AKAP17A: variants seen among roughly 807,000 people sequenced by gnomAD.
AKAP17A encodes the protein A-kinase anchor protein 17A.
In AKAP17A, 15 loss-of-function variants were observed where a neutral mutation model predicts 52.2. That is an observed-to-expected ratio of 0.29 (90% confidence interval 0.19 to 0.44). AKAP17A has a LOEUF of 0.44. Among genes scored for constraint, AKAP17A ranks in the 20% least tolerant of loss-of-function variants. AKAP17A has a pLI of 1.00. For missense variants in AKAP17A, 1,060 were observed against 1,007.0 expected (o/e 1.05, Z -0.71); for synonymous variants, 514 against 424.7 (o/e 1.21, Z -2.58).
At chrX:1,598,195 A>G (rs1933120518) in intron 3 of AKAP17A, among the ~76,000 whole-genome samples, 1 of 151,300 alleles carries the variant, frequency 6.6e-6, no homozygotes, top group Non-Finnish European at 1.5e-5. Context: ...TGGGGCGGTG[A>G]CAGCTCACAG....
intron 2 of AKAP17A, 38 bp from the exon 3 acceptor site, chrX:1,595,346 T>C (rs1479179663): frequency 6.2e-7 from 1 of 1,611,756 alleles, no homozygotes; most frequent in Non-Finnish European, 8.5e-7. Flanking sequence ...TGGGGGGTTT[T>C]GGGGGAAGGC....
chrX:1,593,322 C>T, intron 1 of AKAP17A, 122 bp from the exon 2 acceptor site: 2 of 964,012 alleles, frequency 2.1e-6, no homozygotes, highest in South Asian at 3.1e-5. Flanking sequence ...GTCTCTGACA[C>T]GGCAGAGAGA....
At position 1,594,158 on chromosome X, in the gene AKAP17A, C is replaced by G. The variant is rs755544734; in HGVS notation, c.696C>G (p.Ser232Arg). ...ACATGGGCTTCATCCAGGCCATGAG[C>G]GCCCTGCGCGGGATGAAACTCATGT... ...REYMGFIQAM[S>R]ALRGMKLMYK... The change falls in exon 2 of 5, where the codon AGC becomes AGG. Residue 232 changes from serine to arginine, a missense_variant. Physicochemically the swap from Ser to Arg is moderately radical, Grantham distance 110. This residue lies in a region of AKAP17A where 267 missense variants were observed against 377.1 expected (regional missense o/e 0.71). Transcript: ENST00000313871. The G allele has an allele frequency of 6.5e-5, 104 of 1,602,724 alleles. No individual in the cohort carries two copies. The highest frequency in any genetic ancestry group is 8.1e-5 in the Non-Finnish European group (95 of 1,173,668).
At chrX:1,599,617 G>C in intron 4 of AKAP17A, 185 bp downstream of exon 4, 3 of 866,290 alleles carry the variant, frequency 3.5e-6, no homozygotes, top group Non-Finnish European at 5.6e-6. Flanking sequence ...TGTCGTTCCC[G>C]ATGATTTCAG....
rs1932878520 is a variant in AKAP17A at position 1,593,567 on chromosome X, A to C, written c.105A>C (p.Ala35=). Residue 35 remains alanine (A), a synonymous_variant, in exon 2 of 5, where the codon GCA becomes GCC. Coordinates refer to ENST00000313871, the MANE Select transcript of AKAP17A (RefSeq NM_005088.3). ...KPITKMTISV[A]LPQLKQPGKS... The stretch of plus-strand genomic sequence containing the variant: ...TCACCAAGATGACCATCAGCGTGGC[A>C]CTCCCGCAGCTGAAGCAGCCGGGGA... 1 of 1,613,448 alleles carries C rather than the reference A, an allele frequency of 6.2e-7. No homozygotes were observed. Among genetic ancestry groups the C allele is most frequent in the Non-Finnish European group, 8.5e-7 (1 of 1,179,820 alleles).
At chrX:1,597,670 T>A (rs867535680) in intron 3 of AKAP17A, among the ~76,000 whole-genome samples, 67 of 148,834 alleles carry the variant, frequency 4.5e-4, no homozygotes, top group African/African-American at 1.5e-3. Flanking sequence ...GTCGCAGGAG[T>A]GTCCCCGCAA....
intron 3 of AKAP17A, among the ~76,000 whole-genome samples, chrX:1,598,228 G>GA (rs1933123512): frequency 6.6e-6 from 1 of 152,226 alleles, no homozygotes; most frequent in Non-Finnish European, 1.5e-5. Flanking sequence ...TTCAGCACAT[G>GA]AAACTGCCTG....
At chrX:1,598,176 C>CCGAGCT (rs1397057279) in intron 3 of AKAP17A, among the ~76,000 whole-genome samples, 2 of 152,088 alleles carry the variant, frequency 1.3e-5, no homozygotes, top group Non-Finnish European at 2.9e-5. Context: ...GAGCCGCCCT[C>CCGAGCT]CGAGCTCGTG....
intron 2 of AKAP17A, among the ~76,000 whole-genome samples, chrX:1,594,892 C>T (rs1265635566): frequency 5.3e-5 from 8 of 152,208 alleles, no homozygotes; most frequent in African/African-American, 1.2e-4. Flanking sequence ...GCTGGGATTA[C>T]AGGCGTGAGC....
At chrX:1,598,451 C>T (rs1172845402) in intron 3 of AKAP17A, among the ~76,000 whole-genome samples, 1 of 152,156 alleles carries the variant, frequency 6.6e-6, no homozygotes, top group Non-Finnish European at 1.5e-5. Context: ...CGGCGCCCAC[C>T]CGGGCTTCAG....
rs137976911 is a variant in AKAP17A, at chrX:1,601,265, C to T, written c.1759C>T (p.Arg587Trp). 285 of 1,613,038 alleles carry T rather than the reference C, an allele frequency of 1.8e-4. No homozygotes were observed. The African/African-American group carries it at 2.9e-3, about 16-fold the overall frequency. ...DKCNREPSKG[R>W]GRATGDGLAD... ...GTGCAACCGGGAGCCCAGCAAGGGCCGGGGCCGGGCCACCGGAGACGGGCT... is the reference window on the plus strand; with the variant it reads ...GTGCAACCGGGAGCCCAGCAAGGGCTGGGGCCGGGCCACCGGAGACGGGCT... The change falls in exon 5 of 5, where the codon CGG becomes TGG. Residue 587 changes from arginine to tryptophan, a missense_variant. Physicochemically the swap from Arg to Trp is moderately radical, Grantham distance 101. Around this residue, in one of 2 missense-constraint regions of AKAP17A, gnomAD observed 793 missense variants for 629.9 expected, o/e 1.26. Coordinates refer to ENST00000313871, the MANE Select transcript of AKAP17A (RefSeq NM_005088.3).
chrX:1,593,961 G>A lies in AKAP17A; in HGVS notation c.499G>A (p.Glu167Lys), dbSNP rs775070085. The A allele has an allele frequency of 2.5e-6, 4 of 1,604,222 alleles. No individual in the cohort carries two copies. Among genetic ancestry groups the A allele is most frequent in the Admixed American group, 1.7e-5 (1 of 59,088 alleles). Residue 167 changes from glutamate to lysine, a missense_variant, in exon 2 of 5, where the codon GAG (glutamate) becomes AAG (lysine). Around this residue, in one of 2 missense-constraint regions of AKAP17A, gnomAD observed 267 missense variants for 377.1 expected, o/e 0.71. Transcript: ENST00000313871. ...GTTCGCCCTGAAGGAGTCGGGCTCCGAGAAGCCCAGCGAGGACGTCCTGGT... is the reference window on the plus strand; with the variant it reads ...GTTCGCCCTGAAGGAGTCGGGCTCCAAGAAGCCCAGCGAGGACGTCCTGGT... ...KWFALKESGS[E>K]KPSEDVLVKV...
Position 1,600,951 on chromosome X carries a change from C to G in AKAP17A, c.1445C>G (p.Thr482Ser), listed in dbSNP as rs1340289920. Reference protein sequence around the residue: ...QTVSSGCVSATTLHPLGGQPP... With the variant: ...QTVSSGCVSASTLHPLGGQPP... The stretch of plus-strand genomic sequence containing the variant: ...GTGTCGTCCGGCTGTGTGAGCGCCA[C>G]CACGCTGCACCCCCTCGGGGGCCAG... The change falls in exon 5 of 5, where the codon ACC (threonine) becomes AGC (serine). Residue 482 changes from threonine (T) to serine (S), a missense_variant. This residue lies in a region of AKAP17A where 793 missense variants were observed against 629.9 expected (regional missense o/e 1.26). Transcript: ENST00000313871. 6.3e-7 allele frequency: 1 copy of G among 1,584,424 alleles called. No homozygotes were observed. Among genetic ancestry groups the G allele is most frequent in the Non-Finnish European group, 8.6e-7 (1 of 1,167,726 alleles).
At chrX:1,600,073 C>A in intron 4 of AKAP17A, 1 of 1,029,152 alleles carries the variant, frequency 9.7e-7, no homozygotes, top group Non-Finnish European at 1.3e-6. Flanking sequence ...TCCTTGTCCT[C>A]AGGAGGGCTG....
chrX:1,601,720 C>A lies in AKAP17A; in HGVS notation c.*126C>A. Reference sequence around the variant, plus strand: ...AAGACCCTTCTGCAGCCACGAATGTCCACGGAGCCCGCCGGCAGGAAGGAA... The same window carrying A: ...AAGACCCTTCTGCAGCCACGAATGTACACGGAGCCCGCCGGCAGGAAGGAA... On this transcript the variant is annotated 3_prime_UTR_variant, in exon 5 of 5. Coordinates refer to ENST00000313871, the MANE Select transcript of AKAP17A (RefSeq NM_005088.3). 2 of 867,558 alleles carry A rather than the reference C, an allele frequency of 2.3e-6. No homozygotes were observed. Among genetic ancestry groups the A allele is most frequent in the Middle Eastern group, 3.8e-4 (1 of 2,632 alleles). The allele number at this position is 867,558 out of a possible 1,614,324, so 53.7% of individuals were successfully genotyped here.
Position 1,593,802 on chromosome X carries a change from G to A in AKAP17A, c.340G>A (p.Ala114Thr). 1.2e-6 allele frequency: 2 copies of A among 1,613,202 alleles called. No homozygotes were observed. Among genetic ancestry groups the A allele is most frequent in the South Asian group, 1.1e-5 (1 of 91,048 alleles). Residue 114 changes from alanine (A) to threonine (T), a missense_variant, in exon 2 of 5, where the codon GCG becomes ACG. Around this residue, in one of 2 missense-constraint regions of AKAP17A, gnomAD observed 267 missense variants for 377.1 expected, o/e 0.71. Transcript: ENST00000313871. ...SGFSDILKVR[A>T]AEFKIDFPTR... ...CTTCTCCGACATCCTGAAGGTGCGC[G>A]CGGCCGAGTTCAAGATCGACTTCCC...
At chrX:1,598,250 G>A (rs1198242332) in intron 3 of AKAP17A, among the ~76,000 whole-genome samples, 9 of 152,188 alleles carry the variant, frequency 5.9e-5, no homozygotes, top group Non-Finnish European at 8.8e-5. Context: ...GGACCTGCAT[G>A]CCCCGCCCGG....
At chrX:1,599,117 G>A in intron 3 of AKAP17A, 75 bp from the exon 4 acceptor site, 3 of 1,564,982 alleles carry the variant, frequency 1.9e-6, no homozygotes, top group South Asian at 1.2e-5. Flanking sequence ...CGCCGTGTTT[G>A]GAAAGCCGCT....
intron 2 of AKAP17A, 104 bp from the exon 3 acceptor site, chrX:1,595,279 TC>T: frequency 6.6e-7 from 1 of 1,507,842 alleles, no homozygotes; most frequent in Non-Finnish European, 9.0e-7. Flanking sequence ...GAGCGGGCGC[TC>T]AGGCTCTGAG....
Sources: allele counts gnomAD v4.1 joint callset (sites outside exome capture counted in the v4.1 genomes callset), GRCh38; gene constraint gnomAD v4.1.1; regional missense constraint gnomAD v4.1.1; transcripts MANE v1.5; gene names NCBI Gene and HGNC (gene_info 2026-07-23, HGNC 2026-07-21).